Variants in RBFOX2 observed in about 807,000 individuals in gnomAD.
The protein encoded by RBFOX2 is RNA binding fox-1 homolog 2, also known as RNA binding protein fox-1 homolog 2.
RBFOX2 carries 10 observed loss-of-function variants against 49.1 expected under a neutral mutation model. That is an observed-to-expected ratio of 0.20 (90% CI 0.13 to 0.35). The LOEUF is 0.35. Among genes scored for constraint, RBFOX2 ranks in the 10% least tolerant of loss-of-function variants. RBFOX2 has a pLI of 1.00. For missense variants in RBFOX2, 323 were observed against 486.9 expected (o/e 0.66, Z 3.17); for synonymous variants, 183 against 187.4 (o/e 0.98, Z 0.19).
At chr22:35,918,546 A>G (rs956313357) in intron 1 of RBFOX2, among the ~76,000 whole-genome samples, 4 of 152,180 alleles carry the variant, frequency 2.6e-5, no homozygotes, top group Admixed American at 2.0e-4. Context: ...GACGAATCAT[A>G]TAGTAAGAAA....
At chr22:35,889,417 T>C (rs2046987483) in intron 1 of RBFOX2, among the ~76,000 whole-genome samples, 1 of 152,100 alleles carries the variant, frequency 6.6e-6, no homozygotes, top group African/African-American at 2.4e-5. Context: ...CCCTTTCATC[T>C]TCCCTCCTAC....
At chr22:35,898,234 G>A (rs1389333562) in intron 1 of RBFOX2, 4 of 757,284 alleles carry the variant, frequency 5.3e-6, no homozygotes, top group Non-Finnish European at 9.8e-6. Flanking sequence ...TCCAAACCCA[G>A]TGGCCACAAT....
At chr22:35,800,511 C>T (rs532966650) in intron 2 of RBFOX2, among the ~76,000 whole-genome samples, 54 of 152,242 alleles carry the variant, frequency 3.5e-4, no homozygotes, top group African/African-American at 1.2e-3. Flanking sequence ...GCTTTTATCC[C>T]GAGGCATTTT....
intron 1 of RBFOX2, among the ~76,000 whole-genome samples, chr22:35,889,433 C>T (rs748740214): frequency 6.6e-6 from 1 of 152,102 alleles, no homozygotes; most frequent in East Asian, 1.9e-4. Flanking sequence ...CCTACAAAAA[C>T]CTGGTCCTCT....
At chr22:35,883,877 A>G (rs1293020158) in intron 1 of RBFOX2, among the ~76,000 whole-genome samples, 1 of 152,056 alleles carries the variant, frequency 6.6e-6, no homozygotes, top group Non-Finnish European at 1.5e-5. Context: ...TAATGTGTTC[A>G]AGGTATTCTA....
chr22:35,927,375 C>T (rs757275350), intron 1 of RBFOX2, among the ~76,000 whole-genome samples: 3 of 152,086 alleles, frequency 2.0e-5, no homozygotes, highest in African/African-American at 4.8e-5. Flanking sequence ...GAGGCCAAGT[C>T]AGGTGGATCA....
intron 1 of RBFOX2, among the ~76,000 whole-genome samples, chr22:35,820,638 T>C (rs986355415): frequency 6.6e-6 from 1 of 152,222 alleles, no homozygotes; most frequent in Non-Finnish European, 1.5e-5. Context: ...AGGCAGGTAA[T>C]TGTCCAGATC....
At chr22:35,757,793 T>A (rs1220354436) in intron 9 of RBFOX2, among the ~76,000 whole-genome samples, 1 of 152,134 alleles carries the variant, frequency 6.6e-6, no homozygotes, top group African/African-American at 2.4e-5. Flanking sequence ...CTCAGCTGCA[T>A]TTTAAGGAAA....
At chr22:35,971,522 C>T (rs1394796322) in intron 1 of RBFOX2, among the ~76,000 whole-genome samples, 1 of 152,140 alleles carries the variant, frequency 6.6e-6, no homozygotes. Context: ...CTTCCTCCCT[C>T]TCTTCTCTGC....
At chr22:35,977,739 T>TATATAG (rs1569517065) in intron 1 of RBFOX2, among the ~76,000 whole-genome samples, 6 of 137,678 alleles carry the variant, frequency 4.4e-5, no homozygotes, top group African/African-American at 1.6e-4. Flanking sequence ...TATATATATA[T>TATATAG]ATATATATAT....
At position 35,749,346 on chromosome 22, in the gene RBFOX2, ATTACT is replaced by A. The variant is rs1433263696; in HGVS notation, c.888-2790_888-2786del. Among the ~76,000 whole-genome samples, 13 of 152,280 alleles carry A rather than the reference ATTACT, an allele frequency of 8.5e-5. No homozygotes were observed. In the South Asian group the frequency reaches 2.5e-3, roughly 29 times the overall value. On this transcript the variant is annotated intron_variant, in intron 9 of 11. Coordinates refer to ENST00000405409, the Ensembl canonical transcript of RBFOX2. This position sits in a 1 kb window ranked among gnomAD's most constrained non-coding sequence, Gnocchi z 4.1. ...TGACTTTAACATGATTATTCTCCTGATTACTTTATAATAATGGCATTACAGAGAAA... is the reference window on the plus strand; with the variant it reads ...TGACTTTAACATGATTATTCTCCTGATTATAATAATGGCATTACAGAGAAA...
chr22:35,784,993 T>C (rs945592415), intron 2 of RBFOX2, among the ~76,000 whole-genome samples: 1 of 152,122 alleles, frequency 6.6e-6, no homozygotes, highest in Non-Finnish European at 1.5e-5. Flanking sequence ...TTTATTTTTA[T>C]TTTATTATTA....
At chr22:35,881,693 G>A (rs1049276791) in intron 1 of RBFOX2, among the ~76,000 whole-genome samples, 4 of 151,914 alleles carry the variant, frequency 2.6e-5, no homozygotes, top group Non-Finnish European at 5.9e-5. Context: ...GGGCACAGTG[G>A]CTCACACCTA....
At chr22:36,024,746 A>G (rs1429353084) in intron 1 of RBFOX2, among the ~76,000 whole-genome samples, 1 of 152,110 alleles carries the variant, frequency 6.6e-6, no homozygotes, top group Admixed American at 6.5e-5. Context: ...CTCAAAAAAA[A>G]AGAAAAAAAA....
chr22:35,750,385 T>C (rs772633484), intron 9 of RBFOX2: 3 of 1,496,978 alleles, frequency 2.0e-6, no homozygotes, highest in Non-Finnish European at 2.8e-6. Flanking sequence ...CCATTAATAA[T>C]AAAAATTAAA....
At chr22:35,929,550 C>T (rs2052100261) in intron 1 of RBFOX2, among the ~76,000 whole-genome samples, 1 of 152,096 alleles carries the variant, frequency 6.6e-6, no homozygotes, top group Non-Finnish European at 1.5e-5. Context: ...CATACTACAA[C>T]CTGGATGAAC....
intron 4 of RBFOX2, among the ~76,000 whole-genome samples, chr22:35,771,854 AG>A (rs1481052499): frequency 9.2e-5 from 14 of 152,188 alleles, no homozygotes; most frequent in Non-Finnish European, 1.3e-4. Flanking sequence ...CAGATTATCC[AG>A]GTTTAAAAGT....
chr22:35,786,772 G>C (rs1946493047), intron 2 of RBFOX2, among the ~76,000 whole-genome samples: 1 of 152,238 alleles, frequency 6.6e-6, no homozygotes, highest in Admixed American at 6.5e-5. Context: ...GCTAAGTGCA[G>C]AGATGTTCAG....
At chr22:35,856,806 G>A (rs2042565220) in intron 1 of RBFOX2, among the ~76,000 whole-genome samples, 1 of 152,074 alleles carries the variant, frequency 6.6e-6, no homozygotes, top group Non-Finnish European at 1.5e-5. Context: ...GCTGAGGCGG[G>A]TGGATTGCCT....
Sources: gnomAD v4.1 joint callset for allele counts (sites outside exome capture counted in the v4.1 genomes callset) on GRCh38, gnomAD v4.1.1 for gene constraint, Gnocchi (gnomAD v3.1) non-coding constraint, MANE v1.5 for transcripts, NCBI Gene and HGNC (gene_info 2026-07-23, HGNC 2026-07-21) for gene names.